The following C1GALT1 variants were observed in gnomAD, a reference collection of about 807,000 sequenced individuals.
C1GALT1 encodes core 1 synthase, glycoprotein-N-acetylgalactosamine 3-beta-galactosyltransferase 1.
In C1GALT1, 11 loss-of-function variants were observed where a neutral mutation model predicts 31.0. The observed-to-expected ratio is 0.36, with a 90% CI of 0.22 to 0.59. C1GALT1 has a LOEUF of 0.59. C1GALT1 is among the 20% of genes least tolerant of loss of function. C1GALT1 has a pLI of 0.79. For synonymous variants in C1GALT1, 175 were observed against 143.6 expected, an observed-to-expected ratio of 1.22 and a Z score of -1.56; for missense variants, 424 against 425.2, an observed-to-expected ratio of 1.00 and a Z score of 0.03.
chr7:7,216,960 A>G (rs553101348), intron 1 of C1GALT1, among the ~76,000 whole-genome samples: 64 of 144,036 alleles, frequency 4.4e-4, no homozygotes, highest in Non-Finnish European at 1.6e-4. Flanking sequence ...CCTAAACTGT[A>G]AGTATTCCTG....
At chr7:7,216,429 G>C (rs1782242847) in intron 1 of C1GALT1, among the ~76,000 whole-genome samples, 1 of 152,018 alleles carries the variant, frequency 6.6e-6, no homozygotes, top group Non-Finnish European at 1.5e-5. Context: ...AGCAGCCTTA[G>C]CTTATCCGCC....
chr7:7,181,485 C>G (rs1366818304), upstream of C1GALT1, among the ~76,000 whole-genome samples: 2 of 152,210 alleles, frequency 1.3e-5, no homozygotes, highest in Non-Finnish European at 2.9e-5. Flanking sequence ...GTATTAGAAT[C>G]ACTACATGTG....
intron 2 of C1GALT1, among the ~76,000 whole-genome samples, chr7:7,169,426 C>T (rs1780429999): frequency 6.6e-6 from 1 of 152,176 alleles, no homozygotes; most frequent in Non-Finnish European, 1.5e-5. Context: ...TTTTGAAAAA[C>T]TGCCATGCTG....
chr7:7,171,315 A>T (rs1780452665), intron 2 of C1GALT1, among the ~76,000 whole-genome samples: 1 of 152,030 alleles, frequency 6.6e-6, no homozygotes. Context: ...AATTATGATA[A>T]CTTTTTGATG....
At chr7:7,189,703 A>G (rs376519465) in intron 1 of C1GALT1, among the ~76,000 whole-genome samples, 56 of 152,322 alleles carry the variant, frequency 3.7e-4, no homozygotes, top group South Asian at 3.1e-3. Context: ...TATCCAATGA[A>G]TAAACTCATA....
chr7:7,164,084 G>A (rs62453509), intron 2 of C1GALT1, among the ~76,000 whole-genome samples: 3 of 152,152 alleles, frequency 2.0e-5, no homozygotes, highest in Admixed American at 1.3e-4. Flanking sequence ...AGGCTACAGT[G>A]ACCAAAACAG....
chr7:7,163,848 T>C (rs1255992431), intron 2 of C1GALT1, among the ~76,000 whole-genome samples: 1 of 151,748 alleles, frequency 6.6e-6, no homozygotes, highest in Non-Finnish European at 1.5e-5. Context: ...CATTCCATGC[T>C]CATGGGTAGG....
At chr7:7,209,554 A>G (rs1781897246) in intron 1 of C1GALT1, 3 of 152,264 alleles carry the variant, frequency 2.0e-5, no homozygotes, top group African/African-American at 4.8e-5. Context: ...CTTCAAGAAT[A>G]ATCTGCTTCC....
At chr7:7,218,619 T>C (rs1011970867) in intron 1 of C1GALT1, among the ~76,000 whole-genome samples, 1 of 152,160 alleles carries the variant, frequency 6.6e-6, no homozygotes, top group Non-Finnish European at 1.5e-5. Context: ...AAAAGAATCA[T>C]AGCAACTCTG....
chr7:7,248,074 C>A lies in C1GALT1; in HGVS notation c.*4347C>A, dbSNP rs1243810268. ...TTTTTCTACTTTATAGTAGGCCTGA[C>A]AGAAACATAGTGAAGCAATCTGGGA... On this transcript the variant is annotated 3_prime_UTR_variant, in exon 4 of 4. Coordinates refer to ENST00000436587, the MANE Select transcript of C1GALT1 (RefSeq NM_020156.5). 6.6e-6 allele frequency: 1 copy of A among 151,992 alleles called. No homozygotes were observed. The highest frequency in any genetic ancestry group is 1.5e-5 in the Non-Finnish European group (1 of 67,912). 9.4% of individuals were successfully genotyped at this position (151,992 alleles called of 1,614,324 possible).
intron 1 of C1GALT1, among the ~76,000 whole-genome samples, chr7:7,198,642 C>T (rs935368571): frequency 1.3e-5 from 2 of 152,054 alleles, no homozygotes; most frequent in African/African-American, 2.4e-5. Flanking sequence ...TGGTAGAATT[C>T]GGCTGTGAAT....
intron 2 of C1GALT1, among the ~76,000 whole-genome samples, chr7:7,171,481 A>C (rs1375990986): frequency 1.3e-5 from 2 of 151,886 alleles, no homozygotes; most frequent in African/African-American, 4.8e-5. Context: ...TTCACTTTCT[A>C]CCTATTTGTG....
intron 1 of C1GALT1, among the ~76,000 whole-genome samples, chr7:7,218,412 G>A (rs1054449952): frequency 6.6e-6 from 1 of 152,164 alleles, no homozygotes; most frequent in Admixed American, 6.5e-5. Flanking sequence ...AAGTCTCTAT[G>A]GGGTTGTTTG....
intron 2 of C1GALT1, among the ~76,000 whole-genome samples, chr7:7,172,598 T>G (rs1047885566): frequency 1.3e-5 from 2 of 152,204 alleles, no homozygotes; most frequent in African/African-American, 4.8e-5. Flanking sequence ...CTCTTGATGA[T>G]GACGCACAGG....
At chr7:7,201,737 A>G (rs1781539132) in intron 1 of C1GALT1, among the ~76,000 whole-genome samples, 1 of 152,170 alleles carries the variant, frequency 6.6e-6, no homozygotes, top group African/African-American at 2.4e-5. Flanking sequence ...AAGCTGCCCC[A>G]GGCTATATGC....
At chr7:7,234,053 A>G (rs1049829567) in intron 1 of C1GALT1, among the ~76,000 whole-genome samples, 1 of 152,152 alleles carries the variant, frequency 6.6e-6, no homozygotes, top group Non-Finnish European at 1.5e-5. Context: ...AGAATAGGAA[A>G]TTCTGTGTGC....
At position 7,243,820 on chromosome 7, in the gene C1GALT1, A is replaced by C. The variant is rs932808547; in HGVS notation, c.*93A>C. 3.4e-6 allele frequency: 3 copies of C among 889,758 alleles called. No homozygotes were observed. The African/African-American group carries it at 5.0e-5, about 15-fold the overall frequency. 55.1% of individuals were successfully genotyped at this position (889,758 alleles called of 1,614,324 possible). A position where few individuals can be genotyped will look rare whatever the true frequency, so the allele number is the denominator to read the frequency against. On this transcript the variant is annotated 3_prime_UTR_variant, in exon 4 of 4. Transcript: ENST00000436587. ...GACATAGAACACTGGAATCCCAGTG[A>C]GGAATTCTAAGTGAACATTCCTTAT...
chr7:7,174,091 T>A (rs1444618989), intron 2 of C1GALT1, among the ~76,000 whole-genome samples: 1 of 152,038 alleles, frequency 6.6e-6, no homozygotes, highest in East Asian at 1.9e-4. Context: ...CCACACGGCC[T>A]TTCCTCGTGT....
chr7:7,187,421 T>TG, intron 1 of C1GALT1, among the ~76,000 whole-genome samples: 1 of 103,560 alleles, frequency 9.7e-6, no homozygotes, highest in East Asian at 4.9e-4. Flanking sequence ...AGCTAATTTC[T>TG]TTTTTTTTTT....
Sources: allele counts gnomAD v4.1 joint callset (sites outside exome capture counted in the v4.1 genomes callset), GRCh38; gene constraint gnomAD v4.1.1; transcripts MANE v1.5; gene names NCBI Gene and HGNC (gene_info 2026-07-23, HGNC 2026-07-21).